The following RAB27B variants were observed in gnomAD, a reference collection of about 807,000 sequenced individuals.
RAB27B encodes RAB27B, member RAS oncogene family, also known as ras-related protein Rab-27B.
A neutral mutation model predicts 24.6 loss-of-function variants in RAB27B; 15 were observed. That is an observed-to-expected ratio of 0.61 (90% CI 0.41 to 0.94). The LOEUF (loss-of-function observed/expected upper bound fraction) is 0.94, where lower values mean the gene tolerates loss of function less well. Ranked by LOEUF, RAB27B falls within the 40% of genes least tolerant of loss-of-function variation. The pLI is 0.00. For missense variants in RAB27B, 261 were observed against 266.8 expected (o/e 0.98, Z 0.15); for synonymous variants, 105 against 92.5 (o/e 1.14, Z -0.78).
intron 2 of RAB27B, among the ~76,000 whole-genome samples, chr18:54,777,258 G>T (rs908142066): frequency 2.6e-5 from 4 of 152,144 alleles, no homozygotes; most frequent in Non-Finnish European, 5.9e-5. Context: ...CATCAAGAAT[G>T]GTAAATAATT....
intron 2 of RAB27B, among the ~76,000 whole-genome samples, chr18:54,820,802 A>C (rs1490373531): frequency 6.6e-6 from 1 of 152,194 alleles, no homozygotes; most frequent in East Asian, 1.9e-4. Flanking sequence ...CATAAGGTGT[A>C]AGGAAGGGAT....
At chr18:54,729,788 C>T (rs1363180269) in intron 2 of RAB27B, among the ~76,000 whole-genome samples, 1 of 151,942 alleles carries the variant, frequency 6.6e-6, no homozygotes, top group Middle Eastern at 3.2e-3. Context: ...TTAATCTAAT[C>T]AACTTTAGAT....
At chr18:54,721,795 G>C (rs554736982) in intron 2 of RAB27B, among the ~76,000 whole-genome samples, 1 of 152,296 alleles carries the variant, frequency 6.6e-6, no homozygotes, top group African/African-American at 2.4e-5. Context: ...ACTGTGATAA[G>C]GAATGGCTTT....
chr18:54,804,892 CTCTTTCTCTCTCTCTTTCTT>C (rs1318435719), intron 2 of RAB27B, among the ~76,000 whole-genome samples: 5 of 47,908 alleles, frequency 1.0e-4, no homozygotes, highest in Admixed American at 2.2e-4. Context: ...TTCTTTCTTT[CTCTTTCTCTCTCTCTTTCTT>C]TCTTTCTTTC....
rs971432247 is a variant in RAB27B, at chr18:54,889,564, C to T, written c.*151C>T. On this transcript the variant is annotated 3_prime_UTR_variant, in exon 6 of 6. Transcript: ENST00000262094. Reference sequence around the variant, plus strand: ...ATCTATTTTAAGAAACCAGAATAGTCAACAGTGTTCAAAAGAATTGACTAG... The same window carrying T: ...ATCTATTTTAAGAAACCAGAATAGTTAACAGTGTTCAAAAGAATTGACTAG... 1.4e-6 allele frequency: 1 copy of T among 707,096 alleles called. No individual in the cohort carries two copies. Among genetic ancestry groups the T allele is most frequent in the Admixed American group, 3.3e-5 (1 of 30,728 alleles). The allele number at this position is 707,096 out of a possible 1,614,324, so 43.8% of individuals were successfully genotyped here.
At chr18:54,826,231 G>A (rs878874763), upstream of RAB27B, among the ~76,000 whole-genome samples, 1 of 152,172 alleles carries the variant, frequency 6.6e-6, no homozygotes, top group Admixed American at 6.5e-5. Flanking sequence ...TTAGACAGAT[G>A]TTATGTCTAC....
At chr18:54,779,120 G>A (rs1908809739) in intron 2 of RAB27B, among the ~76,000 whole-genome samples, 1 of 152,136 alleles carries the variant, frequency 6.6e-6, no homozygotes, top group South Asian at 2.1e-4. Context: ...TTACAGGCAT[G>A]AGCCACCGTA....
At chr18:54,888,820 C>T (rs1913249847) in intron 5 of RAB27B, among the ~76,000 whole-genome samples, 1 of 152,102 alleles carries the variant, frequency 6.6e-6, no homozygotes, top group South Asian at 2.1e-4. Flanking sequence ...CACAAATATC[C>T]TTATTCAATG....
chr18:54,811,313 G>T (rs1043931172), intron 2 of RAB27B, among the ~76,000 whole-genome samples: 9 of 152,142 alleles, frequency 5.9e-5, no homozygotes, highest in African/African-American at 1.7e-4. Flanking sequence ...GCCAAAGATG[G>T]CTGGGGTAAA....
intron 2 of RAB27B, among the ~76,000 whole-genome samples, chr18:54,743,768 C>G (rs1314506376): frequency 6.6e-6 from 1 of 152,144 alleles, no homozygotes; most frequent in African/African-American, 2.4e-5. Flanking sequence ...CTCATAGATC[C>G]TTGATAGAAC....
At chr18:54,793,612 G>A (rs1344941830) in intron 2 of RAB27B, among the ~76,000 whole-genome samples, 4 of 152,196 alleles carry the variant, frequency 2.6e-5, no homozygotes, top group Non-Finnish European at 4.4e-5. Context: ...TGTTATGTTT[G>A]AAATAACAGC....
chr18:54,854,118 G>A lies in RAB27B; in HGVS notation c.-19-23449G>A, dbSNP rs533869634. Among the ~76,000 whole-genome samples the A allele has an allele frequency of 3.9e-5, 6 of 152,246 alleles. No individual in the cohort carries two copies. The East Asian group carries it at 7.7e-4, about 20-fold the overall frequency. ...TAAGGGGCAGAGAGGTTTCTTCCAG[G>A]TTAATTATTTACATTCGTCTTTAGA... On this transcript the variant is annotated intron_variant, in intron 1 of 5. Transcript: ENST00000262094.
At chr18:54,849,774 T>G (rs1291488946) in intron 1 of RAB27B, among the ~76,000 whole-genome samples, 1 of 152,128 alleles carries the variant, frequency 6.6e-6, no homozygotes, top group Non-Finnish European at 1.5e-5. Flanking sequence ...AGAAATTATA[T>G]GATAAAATAG....
chr18:54,753,766 C>G (rs191725675), intron 2 of RAB27B, among the ~76,000 whole-genome samples: 1 of 152,100 alleles, frequency 6.6e-6, no homozygotes, highest in Non-Finnish European at 1.5e-5. Context: ...GTAATTTGTA[C>G]GTAATTTATC....
chr18:54,888,187 A>G, intron 5 of RAB27B, 69 bp downstream of exon 5: 1 of 1,538,494 alleles, frequency 6.5e-7, no homozygotes, highest in Non-Finnish European at 8.8e-7. Context: ...CAGAGACATT[A>G]GATTGATATT....
At position 54,891,843 on chromosome 18, in the gene RAB27B, T is replaced by C. The variant is rs1913381020; in HGVS notation, c.*2430T>C. ...ACTATTCCTGTAAAAATAACAATTA[T>C]TGGGTAATAACTTCAAGAGGAATGA... On this transcript the variant is annotated 3_prime_UTR_variant, in exon 6 of 6. Coordinates refer to ENST00000262094, the MANE Select transcript of RAB27B (RefSeq NM_004163.4). 1 of 152,076 alleles carries C rather than the reference T, an allele frequency of 6.6e-6. No homozygotes were observed. Among genetic ancestry groups the C allele is most frequent in the African/African-American group, 2.4e-5 (1 of 41,428 alleles). 9.4% of individuals were successfully genotyped at this position (152,076 alleles called of 1,614,324 possible). A position where few individuals can be genotyped will look rare whatever the true frequency, so the allele number is the denominator to read the frequency against.
At chr18:54,867,176 T>C (rs1912264873) in intron 1 of RAB27B, among the ~76,000 whole-genome samples, 1 of 152,266 alleles carries the variant, frequency 6.6e-6, no homozygotes, top group East Asian at 1.9e-4. Context: ...AATGAGTTTT[T>C]GGTTAAAATA....
chr18:54,861,169 A>G (rs1274979865), intron 1 of RAB27B, among the ~76,000 whole-genome samples: 1 of 152,182 alleles, frequency 6.6e-6, no homozygotes, highest in East Asian at 1.9e-4. Context: ...AAGCAGTGGA[A>G]CTTTGGCACG....
intron 2 of RAB27B, among the ~76,000 whole-genome samples, chr18:54,762,856 C>T (rs1202806512): frequency 1.3e-5 from 2 of 152,194 alleles, no homozygotes; most frequent in Non-Finnish European, 2.9e-5. Context: ...TTTGCAGGCT[C>T]TGTGGCCAGG....
Sources: gnomAD v4.1 joint callset for allele counts (sites outside exome capture counted in the v4.1 genomes callset) on GRCh38, gnomAD v4.1.1 for gene constraint, MANE v1.5 for transcripts, NCBI Gene and HGNC (gene_info 2026-07-23, HGNC 2026-07-21) for gene names.